The following ZNF385B variants were observed in gnomAD, a reference collection of about 807,000 sequenced individuals.
ZNF385B encodes zinc finger protein 385B.
In ZNF385B, 23 loss-of-function variants were observed where a neutral mutation model predicts 39.2. That is an observed-to-expected ratio of 0.59 (90% CI 0.42 to 0.83). The LOEUF is 0.83. Ranked by LOEUF, ZNF385B falls within the 40% of genes least tolerant of loss-of-function variation. The pLI is 0.00. For synonymous variants in ZNF385B, 205 were observed against 222.6 expected (o/e 0.92, Z 0.70); for missense variants, 552 against 598.9 (o/e 0.92, Z 0.82).
At chr2:179,583,837 G>A (rs549353367) in intron 3 of ZNF385B, 1 of 1,182,760 alleles carries the variant, frequency 8.5e-7, no homozygotes. Flanking sequence ...CTGGCAGCAG[G>A]GCCATTTCAG....
intron 3 of ZNF385B, among the ~76,000 whole-genome samples, chr2:179,549,188 T>C (rs549797469): frequency 2.0e-5 from 3 of 149,644 alleles, no homozygotes; most frequent in South Asian, 4.3e-4. Flanking sequence ...TGTATGGATT[T>C]CCCAAATTTT....
chr2:179,521,680 G>T (rs573687162), intron 4 of ZNF385B, among the ~76,000 whole-genome samples: 3 of 152,112 alleles, frequency 2.0e-5, no homozygotes, highest in South Asian at 2.1e-4. Flanking sequence ...GATTAAGAAG[G>T]TTCCTTCATG....
intron 1 of ZNF385B, among the ~76,000 whole-genome samples, chr2:179,835,883 T>A (rs1440915486): frequency 1.3e-5 from 2 of 152,116 alleles, no homozygotes; most frequent in African/African-American, 4.8e-5. Context: ...ATTATGATTA[T>A]TATTTTGTAG....
At chr2:179,811,015 G>A (rs1575534571) in intron 1 of ZNF385B, among the ~76,000 whole-genome samples, 1 of 151,946 alleles carries the variant, frequency 6.6e-6, no homozygotes, top group Admixed American at 6.6e-5. Flanking sequence ...CATCAATAAT[G>A]TTCAAGCTGA....
At chr2:179,545,045 C>G in intron 3 of ZNF385B, 76 bp from the exon 4 acceptor site, 10 of 1,592,864 alleles carry the variant, frequency 6.3e-6, no homozygotes, top group Non-Finnish European at 7.7e-6. Context: ...AGTGCAAGAA[C>G]AAGTCTGTTG....
intron 1 of ZNF385B, among the ~76,000 whole-genome samples, chr2:179,835,214 T>C (rs1346455463): frequency 6.6e-6 from 1 of 152,194 alleles, no homozygotes; most frequent in African/African-American, 2.4e-5. Context: ...TGAAACGCTT[T>C]AGCAAAAACA....
chr2:179,499,824 C>T (rs1342318456), intron 5 of ZNF385B, among the ~76,000 whole-genome samples: 1 of 151,842 alleles, frequency 6.6e-6, no homozygotes, highest in Non-Finnish European at 1.5e-5. Context: ...AAAGGACCTC[C>T]AAATTGGAAA....
intron 1 of ZNF385B, among the ~76,000 whole-genome samples, chr2:179,853,341 T>A (rs1684330738): frequency 6.6e-6 from 1 of 152,222 alleles, no homozygotes; most frequent in Non-Finnish European, 1.5e-5. Flanking sequence ...ATTCCAGGTT[T>A]ATACATGTGT....
intron 1 of ZNF385B, among the ~76,000 whole-genome samples, chr2:179,851,506 G>T (rs1022660242): frequency 6.6e-6 from 1 of 152,136 alleles, no homozygotes; most frequent in Non-Finnish European, 1.5e-5. Flanking sequence ...CAGGCTGAAC[G>T]TAGGGTTCAA....
chr2:179,690,098 T>C (rs1698241108), intron 3 of ZNF385B, among the ~76,000 whole-genome samples: 1 of 152,138 alleles, frequency 6.6e-6, no homozygotes, highest in African/African-American at 2.4e-5. Context: ...AATTACTCTA[T>C]TTGAATATAC....
At chr2:179,459,888 G>A (rs1217340082) in intron 6 of ZNF385B, among the ~76,000 whole-genome samples, 1 of 151,560 alleles carries the variant, frequency 6.6e-6, no homozygotes, top group East Asian at 1.9e-4. Context: ...TGGATCACCT[G>A]AGGTCAGGAG....
At chr2:179,850,507 A>C (rs1339944570) in intron 1 of ZNF385B, among the ~76,000 whole-genome samples, 1 of 152,198 alleles carries the variant, frequency 6.6e-6, no homozygotes. Flanking sequence ...CTTTGGAAAA[A>C]TGAATCTACT....
At chr2:179,535,955 T>A (rs1053100823) in intron 4 of ZNF385B, among the ~76,000 whole-genome samples, 2 of 152,224 alleles carry the variant, frequency 1.3e-5, no homozygotes, top group African/African-American at 4.8e-5. Context: ...TAAAAACAGA[T>A]CTGCGTTGTT....
At chr2:179,679,598 A>ATTG (rs1445650990) in intron 3 of ZNF385B, among the ~76,000 whole-genome samples, 19 of 106,846 alleles carry the variant, frequency 1.8e-4, no homozygotes, top group South Asian at 3.6e-4. Flanking sequence ...ATTAACAGCT[A>ATTG]TTATTGTTGT....
At chr2:179,504,026 C>A (rs148306409) in intron 5 of ZNF385B, among the ~76,000 whole-genome samples, 4 of 146,290 alleles carry the variant, frequency 2.7e-5, no homozygotes, top group South Asian at 2.3e-4. Context: ...TCCCTCCCCC[C>A]TCTCCCCACC....
At chr2:179,783,060 T>C (rs1032348801) in intron 1 of ZNF385B, among the ~76,000 whole-genome samples, 1 of 152,162 alleles carries the variant, frequency 6.6e-6, no homozygotes, top group African/African-American at 2.4e-5. Flanking sequence ...GCTGGAAGCA[T>C]CACATTACCC....
At position 179,722,648 on chromosome 2, in the gene ZNF385B, T is replaced by C. The variant is rs143142836; in HGVS notation, c.298+46855A>G. 2.4e-3 allele frequency among the ~76,000 whole-genome samples: 367 copies of C among 152,226 alleles called. 6 individuals are homozygous for C. Among genetic ancestry groups the C allele is most frequent in the East Asian group, 0.023 (118 of 5,188 alleles). Reference sequence around the variant, plus strand: ...TAGATTAATATATTTGGGATCCATATAATCTCAAGGTAGAGAAACACTTCT... The same window carrying C: ...TAGATTAATATATTTGGGATCCATACAATCTCAAGGTAGAGAAACACTTCT... On this transcript the variant is annotated intron_variant, in intron 3 of 9. Transcript: ENST00000410066.
intron 3 of ZNF385B, chr2:179,562,711 C>T (rs780291017): frequency 4.5e-5 from 21 of 463,376 alleles, no homozygotes; most frequent in Admixed American, 6.4e-5. Context: ...TTCTGAGTAT[C>T]CCCCAGCTAC....
At chr2:179,669,987 A>G (rs1695696711) in intron 3 of ZNF385B, among the ~76,000 whole-genome samples, 1 of 152,124 alleles carries the variant, frequency 6.6e-6, no homozygotes, top group South Asian at 2.1e-4. Context: ...CCTGATTAGC[A>G]GTGTTTACAA....
Sources: gnomAD v4.1 joint callset for allele counts (sites outside exome capture counted in the v4.1 genomes callset) on GRCh38, gnomAD v4.1.1 for gene constraint, MANE v1.5 for transcripts, NCBI Gene and HGNC (gene_info 2026-07-23, HGNC 2026-07-21) for gene names.